The following MRO variants were observed in gnomAD, a reference collection of about 807,000 sequenced individuals.
MRO encodes maestro.
A neutral mutation model predicts 31.0 loss-of-function variants in MRO; 28 were observed. The observed-to-expected ratio is 0.90, with a 90% CI of 0.67 to 1.24. MRO has a LOEUF of 1.24. MRO is among the 50% of genes most tolerant of loss of function. MRO has a pLI of 0.00. For synonymous variants in MRO, 108 were observed against 108.4 expected (o/e 1.00, Z 0.02); for missense variants, 332 against 289.2 (o/e 1.15, Z -1.07).
chr18:50,820,027 C>T, upstream of MRO: 3 of 1,419,518 alleles, frequency 2.1e-6, no homozygotes, highest in Non-Finnish European at 1.9e-6. Context: ...GGGGACCTTT[C>T]CTCTGCACCA....
chr18:50,821,769 A>T (rs933934317), upstream of MRO, among the ~76,000 whole-genome samples: 1 of 152,270 alleles, frequency 6.6e-6, no homozygotes, highest in Non-Finnish European at 1.5e-5. Flanking sequence ...ATATGCAGAT[A>T]AATTTTCCTG....
In MRO at chr18:50,798,105, C is replaced by T. The variant is rs903904740; in HGVS notation, c.*1232G>A. 2.0e-5 allele frequency: 3 copies of T among 152,132 alleles called. No individual in the cohort carries two copies. The highest frequency in any genetic ancestry group is 2.0e-4 in the Admixed American group (3 of 15,264). The allele number at this position is 152,132 out of a possible 1,614,324, so 9.4% of individuals were successfully genotyped here. ...AAACGCTCCGGGTGTGGCCTGGATA[C>T]TGAATTCAGGGGTGGTACCAGAGTT... is the stretch of plus-strand genomic sequence containing the variant. On this transcript the variant is annotated 3_prime_UTR_variant, in exon 8 of 8. Transcript: ENST00000398439.
At chr18:50,810,408 T>C (rs1914377078) in intron 2 of MRO, among the ~76,000 whole-genome samples, 1 of 152,246 alleles carries the variant, frequency 6.6e-6, no homozygotes, top group African/African-American at 2.4e-5. Context: ...TACAGTATGT[T>C]ACTACTCGTG....
At chr18:50,805,446 A>G (rs987522399) in intron 4 of MRO, 110 bp from the exon 5 acceptor site, 22 of 830,928 alleles carry the variant, frequency 2.6e-5, no homozygotes, top group Non-Finnish European at 3.8e-5. Context: ...CTAACACACC[A>G]GGGCTTTTTT....
chr18:50,809,461 A>T, intron 2 of MRO, 57 bp from the exon 3 acceptor site: 6 of 1,214,802 alleles, frequency 4.9e-6, no homozygotes, highest in Non-Finnish European at 7.3e-6. Flanking sequence ...ATCAACAAAC[A>T]TTGTTGTACA....
At chr18:50,804,649 G>A (rs991150435) in intron 5 of MRO, among the ~76,000 whole-genome samples, 1 of 151,954 alleles carries the variant, frequency 6.6e-6, no homozygotes, top group African/African-American at 2.4e-5. Flanking sequence ...AACCCTTGAG[G>A]GTTAGAGATA....
chr18:50,798,573 A>G lies in MRO; in HGVS notation c.*764T>C, dbSNP rs958865402. The G allele has an allele frequency of 1.3e-5, 2 of 152,216 alleles. No individual in the cohort carries two copies. The highest frequency in any genetic ancestry group is 2.9e-5 in the Non-Finnish European group (2 of 68,048). 9.4% of individuals were successfully genotyped at this position (152,216 alleles called of 1,614,324 possible). ...TTAGCTTTCTCATCTATAAAATGAGAACAATAATAATACTTACTATCTCAG... is the reference window on the plus strand; with the variant it reads ...TTAGCTTTCTCATCTATAAAATGAGGACAATAATAATACTTACTATCTCAG... On this transcript the variant is annotated 3_prime_UTR_variant, in exon 8 of 8. Coordinates refer to ENST00000398439, the MANE Select transcript of MRO (RefSeq NM_031939.6).
intron 5 of MRO, among the ~76,000 whole-genome samples, chr18:50,802,572 G>A (rs140999867): frequency 5.3e-5 from 8 of 152,234 alleles, no homozygotes; most frequent in South Asian, 2.1e-4. Context: ...GGGCTGGGGT[G>A]GGCCTTCACA....
chr18:50,799,765 GC>G (rs1913111725), intron 7 of MRO, among the ~76,000 whole-genome samples: 1 of 152,108 alleles, frequency 6.6e-6, no homozygotes, highest in Admixed American at 6.5e-5. Context: ...ACAAAAATTA[GC>G]CGGGTGTGGT....
intron 2 of MRO, among the ~76,000 whole-genome samples, chr18:50,814,102 G>C (rs916837635): frequency 6.6e-6 from 1 of 152,042 alleles, no homozygotes; most frequent in Non-Finnish European, 1.5e-5. Context: ...TGATTCTCAG[G>C]TCAGATGCTC....
At chr18:50,822,827 G>T (rs1199682307), upstream of MRO, among the ~76,000 whole-genome samples, 1 of 151,800 alleles carries the variant, frequency 6.6e-6, no homozygotes, top group Non-Finnish European at 1.5e-5. Flanking sequence ...TTCTTCCAGT[G>T]TTTACTGAGA....
At chr18:50,810,245 C>A (rs770651483) in intron 2 of MRO, among the ~76,000 whole-genome samples, 7 of 152,220 alleles carry the variant, frequency 4.6e-5, no homozygotes, top group South Asian at 4.1e-4. Context: ...CTGTCCCCAG[C>A]CAATGGTTTG....
Position 50,819,885 on chromosome 18 carries a change from A to G in MRO, c.-127+12T>C, listed in dbSNP as rs1915232567. The G allele has an allele frequency of 1.9e-6, 3 of 1,551,250 alleles. No individual in the cohort carries two copies. The highest frequency in any genetic ancestry group is 2.6e-6 in the Non-Finnish European group (3 of 1,146,584). On this transcript the variant is annotated intron_variant, in intron 1 of 7. Transcript: ENST00000398439. ...AAGAATATTGTAGGGTGGCACAAGCATGACTTGCTACCTTTGCTTCCCCAC... is the reference window on the plus strand; with the variant it reads ...AAGAATATTGTAGGGTGGCACAAGCGTGACTTGCTACCTTTGCTTCCCCAC...
rs146489152 is a variant in MRO, at chr18:50,814,458, AGAG to A, written c.-4-5057_-4-5055del. ...TTGGTGGCCTGAGCTTTGAAACTACAGAGGCCCGTTTAAGAGACCATTTTGAGG... is the reference window on the plus strand; with the variant it reads ...TTGGTGGCCTGAGCTTTGAAACTACAGCCCGTTTAAGAGACCATTTTGAGG... On this transcript the variant is annotated intron_variant, in intron 2 of 7. Transcript: ENST00000398439. 5.6e-3 allele frequency: 937 copies of A among 165,942 alleles called. 11 individuals carry two copies. The highest frequency in any genetic ancestry group is 0.021 in the African/African-American group (892 of 41,682). The allele number at this position is 165,942 out of a possible 1,614,324, so 10.3% of individuals were successfully genotyped here. A position where few individuals can be genotyped will look rare whatever the true frequency, so the allele number is the denominator to read the frequency against.
chr18:50,812,116 T>C (rs1269139136), intron 2 of MRO, among the ~76,000 whole-genome samples: 1 of 152,192 alleles, frequency 6.6e-6, no homozygotes, highest in Admixed American at 6.5e-5. Context: ...CCATTTTACA[T>C]ACCCACCAGC....
intron 2 of MRO, among the ~76,000 whole-genome samples, chr18:50,810,182 T>C (rs921203489): frequency 6.6e-6 from 1 of 152,052 alleles, no homozygotes; most frequent in African/African-American, 2.4e-5. Context: ...CCTGGGCTCA[T>C]GCAATCCTTC....
chr18:50,800,095 C>T lies in MRO; in HGVS notation c.634G>A (p.Glu212Lys). Residue 212 changes from glutamate (E) to lysine (K), a missense_variant, in exon 7 of 8, where the codon GAG becomes AAG. Glu to Lys is a moderately conservative substitution (Grantham distance 56, BLOSUM62 1). Coordinates refer to ENST00000398439, the MANE Select transcript of MRO (RefSeq NM_031939.6). ...QACSPYLKLK[E>K]EYSFQSEEDQ... ...TCTTCACTCTGGAAGCTGTATTCCTCCTTTAGTTTCAGATATGGAGAACAG... is the reference window on the plus strand; with the variant it reads ...TCTTCACTCTGGAAGCTGTATTCCTTCTTTAGTTTCAGATATGGAGAACAG... 6.2e-7 allele frequency: 1 copy of T among 1,613,782 alleles called. No individual in the cohort carries two copies. The highest frequency in any genetic ancestry group is 2.2e-5 in the East Asian group (1 of 44,844).
In MRO at chr18:50,815,425, G is replaced by A. The variant is rs144452734; in HGVS notation, c.-5+4156C>T. The A allele has an allele frequency of 4.5e-4, 112 of 249,222 alleles. 1 individual carries two copies. The highest frequency in any genetic ancestry group is 2.5e-3 in the African/African-American group (108 of 44,076). The allele number at this position is 249,222 out of a possible 1,614,324, so 15.4% of individuals were successfully genotyped here. ...AGATGACAGTGGATAGAATGGATTT[G>A]GAGGTGATGGTAGCCACTATGGGTG... On this transcript the variant is annotated intron_variant, in intron 2 of 7. Transcript: ENST00000398439.
intron 3 of MRO, among the ~76,000 whole-genome samples, chr18:50,808,606 G>A (rs1361524033): frequency 2.0e-5 from 3 of 151,570 alleles, no homozygotes. Flanking sequence ...ACAGGTGCAT[G>A]CCACCATGCC....
Sources: allele counts gnomAD v4.1 joint callset (sites outside exome capture counted in the v4.1 genomes callset), GRCh38; gene constraint gnomAD v4.1.1; transcripts MANE v1.5; gene names NCBI Gene and HGNC (gene_info 2026-07-23, HGNC 2026-07-21).